The following ASB7 variants were observed in gnomAD, a reference collection of about 807,000 sequenced individuals.
ASB7 encodes ankyrin repeat and SOCS box containing 7.
A neutral mutation model predicts 32.5 loss-of-function variants in ASB7; 4 were observed. The ratio of observed to expected loss-of-function variants is 0.12; its 90% CI spans 0.06 to 0.28. ASB7 has a LOEUF of 0.28. Among genes scored for constraint, ASB7 ranks in the 10% least tolerant of loss-of-function variants. The probability of loss-of-function intolerance (pLI) is 1.00; values close to 1 mark genes in which losing one functional copy is unlikely to be tolerated. For missense variants in ASB7, 181 were observed against 407.1 expected (o/e 0.44, Z 4.78); for synonymous variants, 172 against 155.6 (o/e 1.11, Z -0.78).
At position 100,603,850 on chromosome 15, in the gene ASB7, G is replaced by C. The variant is rs145232975; in HGVS notation, c.-174+537G>C. On this transcript the variant is annotated intron_variant, in intron 2 of 5. Coordinates refer to ENST00000332783, the MANE Select transcript of ASB7 (RefSeq NM_198243.3). ...ATTTATGAGTTTCAGAAAATAGTTTGATTTTATTTCCTACTAGAAAGCCAA... is the reference window on the plus strand; with the variant it reads ...ATTTATGAGTTTCAGAAAATAGTTTCATTTTATTTCCTACTAGAAAGCCAA... 9.5e-4 allele frequency among the ~76,000 whole-genome samples: 145 copies of C among 152,274 alleles called. 2 individuals carry two copies. Among genetic ancestry groups the C allele is most frequent in the African/African-American group, 3.3e-3 (139 of 41,562 alleles).
chr15:100,638,964 G>C lies in ASB7; in HGVS notation c.817+8922G>C, dbSNP rs79559196. Among the ~76,000 whole-genome samples the C allele has an allele frequency of 7.3e-3, 1,114 of 152,208 alleles. 12 individuals are homozygous for C. Among genetic ancestry groups the C allele is most frequent in the African/African-American group, 0.022 (924 of 41,508 alleles). ...ATCTTTTACTCCTGTGGCGGGCTCTGGTCTAGGTGATTCTTAAGTCAGAGA... is the reference window on the plus strand; with the variant it reads ...ATCTTTTACTCCTGTGGCGGGCTCTCGTCTAGGTGATTCTTAAGTCAGAGA... On this transcript the variant is annotated intron_variant, in intron 5 of 5. Transcript: ENST00000332783.
chr15:100,612,651 T>G (rs2039707304), intron 4 of ASB7: 2 of 573,980 alleles, frequency 3.5e-6, no homozygotes, highest in Non-Finnish European at 6.1e-6. Flanking sequence ...AACTGTAGTG[T>G]CTGTACAGCC....
At position 100,649,263 on chromosome 15, in the gene ASB7, T is replaced by C. The variant is rs950416149; in HGVS notation, c.*801T>C. Reference sequence around the variant, plus strand: ...GCAATACTCCTTCTGGTGTATTTTATCCATTATTTCACTTGCTGGTCGTCA... The same window carrying C: ...GCAATACTCCTTCTGGTGTATTTTACCCATTATTTCACTTGCTGGTCGTCA... On this transcript the variant is annotated 3_prime_UTR_variant, in exon 6 of 6. Transcript: ENST00000332783. The C allele has an allele frequency of 6.6e-6, 1 of 152,314 alleles. No homozygotes were observed. Among genetic ancestry groups the C allele is most frequent in the Non-Finnish European group, 1.5e-5 (1 of 68,046 alleles). The allele number at this position is 152,314 out of a possible 1,614,324, so 9.4% of individuals were successfully genotyped here. A position where few individuals can be genotyped will look rare whatever the true frequency, so the allele number is the denominator to read the frequency against.
At chr15:100,635,449 C>T (rs983173980) in intron 5 of ASB7, among the ~76,000 whole-genome samples, 2 of 152,100 alleles carry the variant, frequency 1.3e-5, no homozygotes, top group Non-Finnish European at 2.9e-5. Flanking sequence ...CTGAGGTAAA[C>T]AGTCCTTTGA....
intron 5 of ASB7, among the ~76,000 whole-genome samples, chr15:100,634,794 AC>A (rs1450847088): frequency 4.6e-5 from 7 of 152,066 alleles, no homozygotes; most frequent in Non-Finnish European, 5.9e-5. Context: ...ACAGAGTGAG[AC>A]TCCATCTCAA....
chr15:100,630,074 T>C (rs1487710639), intron 5 of ASB7, 32 bp downstream of exon 5: 1 of 1,507,630 alleles, frequency 6.6e-7, no homozygotes, highest in South Asian at 1.4e-5. Context: ...TTATTGCATT[T>C]TTTAAAAATT....
rs568706928 is a variant in ASB7, at chr15:100,602,820, C to G, written c.-499C>G. ...GACTGCCCCCCCACCCGAGCCAGGA[C>G]TTCCTCCCTGCCTCCCTGCACCTCT... On this transcript the variant is annotated 5_prime_UTR_variant, in exon 1 of 6. Coordinates refer to ENST00000332783, the MANE Select transcript of ASB7 (RefSeq NM_198243.3). 2.6e-6 allele frequency: 1 copy of G among 391,806 alleles called. No individual in the cohort carries two copies. The highest frequency in any genetic ancestry group is 3.6e-5 in the East Asian group (1 of 27,630). 24.3% of individuals were successfully genotyped at this position (391,806 alleles called of 1,614,324 possible).
chr15:100,634,692 T>C (rs1305865764), intron 5 of ASB7, among the ~76,000 whole-genome samples: 2 of 152,094 alleles, frequency 1.3e-5, no homozygotes, highest in African/African-American at 4.8e-5. Flanking sequence ...TTGTCCCCGC[T>C]ACTCACGAGG....
intron 4 of ASB7, among the ~76,000 whole-genome samples, chr15:100,617,472 C>T (rs2039753593): frequency 6.6e-6 from 1 of 152,200 alleles, no homozygotes; most frequent in South Asian, 2.1e-4. Context: ...TGCTCTCTCC[C>T]CACCCCTGCC....
chr15:100,642,055 C>T (rs1943250723), intron 5 of ASB7, among the ~76,000 whole-genome samples: 1 of 152,142 alleles, frequency 6.6e-6, no homozygotes, highest in Non-Finnish European at 1.5e-5. Context: ...ACAGGAGGTA[C>T]ACATGGTCAA....
chr15:100,637,839 A>C (rs2039934736), intron 5 of ASB7, among the ~76,000 whole-genome samples: 2 of 152,358 alleles, frequency 1.3e-5, no homozygotes, highest in Admixed American at 1.3e-4. Flanking sequence ...GATGAAATGC[A>C]GAAGCAGATC....
At chr15:100,614,158 C>G (rs2039720671) in intron 4 of ASB7, among the ~76,000 whole-genome samples, 1 of 151,760 alleles carries the variant, frequency 6.6e-6, no homozygotes, top group South Asian at 2.1e-4. Context: ...CCTATGATCC[C>G]AGCTACTTGG....
chr15:100,632,502 GC>G (rs2039891474), intron 5 of ASB7, among the ~76,000 whole-genome samples: 1 of 152,212 alleles, frequency 6.6e-6, no homozygotes, highest in Admixed American at 6.5e-5. Flanking sequence ...AGCAGCTGTG[GC>G]TGATGCTCTG....
chr15:100,627,600 A>C (rs950977303), intron 4 of ASB7, among the ~76,000 whole-genome samples: 1 of 152,246 alleles, frequency 6.6e-6, no homozygotes. Context: ...CAAAATGTAC[A>C]TAGAACCTGA....
At chr15:100,627,996 G>A (rs981159234) in intron 4 of ASB7, among the ~76,000 whole-genome samples, 2 of 152,202 alleles carry the variant, frequency 1.3e-5, no homozygotes, top group Non-Finnish European at 2.9e-5. Flanking sequence ...GCAGATGGCA[G>A]CAAAATGCTG....
At position 100,629,660 on chromosome 15, in the gene ASB7, A is replaced by T; in HGVS notation, c.435A>T (p.Pro145=). The stretch of plus-strand genomic sequence containing the variant: ...TGGAGTTCAAGGCTGAGGTTGACCC[A>T]CTCAGTGATAAAGGTACCACACCGC... ...LLLEFKAEVD[P]LSDKGTTPLQ... The change falls in exon 5 of 6, where the codon CCA becomes CCT. Residue 145 remains proline (P), a synonymous_variant. Coordinates refer to ENST00000332783, the MANE Select transcript of ASB7 (RefSeq NM_198243.3). This position sits in a 1 kb window ranked among gnomAD's most constrained non-coding sequence, Gnocchi z 6.8. 6.2e-7 allele frequency: 1 copy of T among 1,614,136 alleles called. No homozygotes were observed. Among genetic ancestry groups the T allele is most frequent in the East Asian group, 2.2e-5 (1 of 44,878 alleles).
intron 4 of ASB7, among the ~76,000 whole-genome samples, chr15:100,621,587 A>G (rs1239248909): frequency 1.3e-5 from 2 of 152,212 alleles, no homozygotes; most frequent in Non-Finnish European, 2.9e-5. Flanking sequence ...AATAAAAGAC[A>G]ATAATTGTGA....
intron 4 of ASB7, among the ~76,000 whole-genome samples, chr15:100,612,992 T>C (rs552064777): frequency 2.0e-5 from 3 of 152,374 alleles, no homozygotes; most frequent in South Asian, 4.1e-4. Context: ...AATTGGAAAC[T>C]ATATTTGACA....
At chr15:100,627,914 C>T (rs556565016) in intron 4 of ASB7, among the ~76,000 whole-genome samples, 3 of 152,244 alleles carry the variant, frequency 2.0e-5, no homozygotes, top group South Asian at 2.1e-4. Context: ...CACCTGGAAC[C>T]GGCTTGAGTG....
Sources: gnomAD v4.1 joint callset for allele counts (sites outside exome capture counted in the v4.1 genomes callset) on GRCh38, gnomAD v4.1.1 for gene constraint, Gnocchi (gnomAD v3.1) non-coding constraint, MANE v1.5 for transcripts, NCBI Gene and HGNC (gene_info 2026-07-23, HGNC 2026-07-21) for gene names.